The following CSMD1 variants were observed in gnomAD, a reference collection of about 807,000 sequenced individuals.
CSMD1 encodes CUB and Sushi multiple domains 1, also known as CUB and sushi domain-containing protein 1.
In CSMD1, 213 loss-of-function variants were observed where a neutral mutation model predicts 417.5. The ratio of observed to expected loss-of-function variants is 0.51; its 90% CI spans 0.46 to 0.57. The LOEUF (loss-of-function observed/expected upper bound fraction) is 0.57, where lower values mean the gene tolerates loss of function less well. CSMD1 is among the 20% of genes least tolerant of loss of function. CSMD1 has a pLI of 0.00. For missense variants in CSMD1, 6,923 were observed against 4,529.7 expected (o/e 1.53, Z -15.17); for synonymous variants, 2,862 against 1,736.8 (o/e 1.65, Z -16.11).
chr8:4,376,604 T>C (rs1802759297), intron 3 of CSMD1, among the ~76,000 whole-genome samples: 1 of 150,760 alleles, frequency 6.6e-6, no homozygotes, highest in African/African-American at 2.5e-5. Flanking sequence ...CTGACAATTT[T>C]TAGGGGGGAA....
At chr8:4,992,112 C>A (rs2117483988) in intron 1 of CSMD1, among the ~76,000 whole-genome samples, 1 of 152,306 alleles carries the variant, frequency 6.6e-6, no homozygotes, top group Middle Eastern at 3.4e-3. Context: ...GAGCTCTCTT[C>A]CACGGGGCTG....
At chr8:3,479,471 G>C (rs1049926035) in intron 11 of CSMD1, among the ~76,000 whole-genome samples, 4 of 152,038 alleles carry the variant, frequency 2.6e-5, no homozygotes, top group Non-Finnish European at 5.9e-5. Context: ...GTACATATGG[G>C]GTTTCTCCGT....
At chr8:4,770,200 T>C (rs1434018193) in intron 1 of CSMD1, among the ~76,000 whole-genome samples, 1 of 148,776 alleles carries the variant, frequency 6.7e-6, no homozygotes, top group Non-Finnish European at 1.5e-5. Context: ...CCTATATACT[T>C]ATAAATTACT....
chr8:2,955,207 T>C (rs1802915844), intron 64 of CSMD1, among the ~76,000 whole-genome samples: 1 of 152,256 alleles, frequency 6.6e-6, no homozygotes, highest in African/African-American at 2.4e-5. Context: ...TCTCGGATAC[T>C]TGGTGACCTT....
At chr8:3,439,311 T>TATATATATATATATATATATA (rs1563390619) in intron 12 of CSMD1, among the ~76,000 whole-genome samples, 7 of 36,296 alleles carry the variant, frequency 1.9e-4, no homozygotes, top group Admixed American at 6.8e-4. Context: ...ATATATATAT[T>TATATATATATATATATATATA]TTTTTTTTTA....
At chr8:3,772,837 C>G (rs1584975612) in intron 5 of CSMD1, among the ~76,000 whole-genome samples, 1 of 151,892 alleles carries the variant, frequency 6.6e-6, no homozygotes, top group Non-Finnish European at 1.5e-5. Flanking sequence ...CAGCACCTCC[C>G]AACCCCCTCC....
intron 58 of CSMD1, 33 bp downstream of exon 58, chr8:2,966,537 C>G: frequency 1.3e-6 from 2 of 1,585,106 alleles, no homozygotes; most frequent in Non-Finnish European, 1.7e-6. Context: ...TTCATAGTAA[C>G]GTCTGAGTCT....
intron 5 of CSMD1, among the ~76,000 whole-genome samples, chr8:3,855,776 G>A (rs984922819): frequency 6.6e-6 from 1 of 152,136 alleles, no homozygotes; most frequent in Middle Eastern, 3.2e-3. Flanking sequence ...CTGACTTTCT[G>A]AGTAAAGACA....
At chr8:4,794,387 A>G (rs972366108) in intron 1 of CSMD1, among the ~76,000 whole-genome samples, 1 of 152,202 alleles carries the variant, frequency 6.6e-6, no homozygotes, top group Non-Finnish European at 1.5e-5. Flanking sequence ...CATCCCCATT[A>G]GAAAATCAAG....
At chr8:4,262,340 T>G (rs922496997) in intron 3 of CSMD1, among the ~76,000 whole-genome samples, 3 of 152,188 alleles carry the variant, frequency 2.0e-5, no homozygotes, top group African/African-American at 7.2e-5. Flanking sequence ...TTTTCATTTC[T>G]GCAATCTGGG....
chr8:3,601,709 A>G (rs1801368989), intron 8 of CSMD1, among the ~76,000 whole-genome samples: 1 of 152,222 alleles, frequency 6.6e-6, no homozygotes, highest in African/African-American at 2.4e-5. Context: ...CAACTATAGG[A>G]ACAATATTAA....
chr8:4,498,855 G>A (rs1802110095), intron 2 of CSMD1, among the ~76,000 whole-genome samples: 1 of 152,014 alleles, frequency 6.6e-6, no homozygotes, highest in Non-Finnish European at 1.5e-5. Context: ...TGGTTTCTAT[G>A]CTTACTACAC....
intron 12 of CSMD1, among the ~76,000 whole-genome samples, chr8:3,424,400 A>G (rs1346584722): frequency 1.3e-5 from 2 of 152,336 alleles, no homozygotes; most frequent in South Asian, 2.1e-4. Flanking sequence ...ATTCATTGAG[A>G]GTGTACCAAG....
At chr8:3,511,769 T>TAAC (rs1428417513) in intron 10 of CSMD1, among the ~76,000 whole-genome samples, 1 of 55,812 alleles carries the variant, frequency 1.8e-5, no homozygotes, top group Non-Finnish European at 3.9e-5. Flanking sequence ...AAAAATAACA[T>TAAC]AACATAACAT....
At chr8:4,974,811 G>T (rs1810451861) in intron 1 of CSMD1, among the ~76,000 whole-genome samples, 1 of 152,146 alleles carries the variant, frequency 6.6e-6, no homozygotes, top group African/African-American at 2.4e-5. Flanking sequence ...ATAAAATACA[G>T]TATTGAGCTG....
chr8:3,405,800 T>C (rs577378864), intron 15 of CSMD1, among the ~76,000 whole-genome samples: 1 of 152,182 alleles, frequency 6.6e-6, no homozygotes, highest in Admixed American at 6.5e-5. Context: ...CTGAGGCAGA[T>C]CCTCCCTCAG....
intron 7 of CSMD1, among the ~76,000 whole-genome samples, chr8:3,632,760 C>T (rs1245651156): frequency 1.3e-5 from 2 of 152,160 alleles, no homozygotes; most frequent in South Asian, 2.1e-4. Flanking sequence ...TTTTGCTGCC[C>T]TTGTTTTGTT....
intron 11 of CSMD1, among the ~76,000 whole-genome samples, chr8:3,492,185 A>G (rs1331741536): frequency 6.6e-6 from 1 of 152,130 alleles, no homozygotes; most frequent in East Asian, 1.9e-4. Context: ...AGAAGCCAAG[A>G]TGTTTGATTA....
intron 3 of CSMD1, 81 bp downstream of exon 3, chr8:4,419,872 T>C (rs1797149025): frequency 1.1e-5 from 11 of 980,418 alleles, no homozygotes; most frequent in Non-Finnish European, 1.6e-5. Context: ...AGCAGCCTAG[T>C]TTGTCATTAT....
Sources: allele counts gnomAD v4.1 joint callset (sites outside exome capture counted in the v4.1 genomes callset), GRCh38; gene constraint gnomAD v4.1.1; transcripts MANE v1.5; gene names NCBI Gene and HGNC (gene_info 2026-07-23, HGNC 2026-07-21).